HIVEP2: variants seen among roughly 807,000 people sequenced by gnomAD.
HIVEP2 encodes the protein transcription factor HIVEP2.
A neutral mutation model predicts 180.7 loss-of-function variants in HIVEP2; 14 were observed. The observed-to-expected ratio is 0.08, with a 90% confidence interval of 0.05 to 0.12. HIVEP2 has a LOEUF of 0.12. Ranked by LOEUF, HIVEP2 falls within the 10% of genes least tolerant of loss-of-function variation. The probability of loss-of-function intolerance (pLI) is 1.00; values close to 1 mark genes in which losing one functional copy is unlikely to be tolerated. For synonymous variants in HIVEP2, 1,184 were observed against 1,136.4 expected (o/e 1.04, Z -0.84); for missense variants, 2,579 against 3,008.5 (o/e 0.86, Z 3.34).
rs796461015 is a variant in HIVEP2 at position 142,799,133 on chromosome 6, A to G, written c.-527-15518T>C. 3.3e-5 allele frequency among the ~76,000 whole-genome samples: 5 copies of G among 152,304 alleles called. No homozygotes were observed. The South Asian group carries it at 1.0e-3, about 32-fold the overall frequency. The stretch of plus-strand genomic sequence containing the variant: ...TAGATTTTGTCTTAGCACAGGTGAA[A>G]TACTGAAAACATGAAATATTACTTA... On this transcript the variant is annotated intron_variant, in intron 2 of 9. Coordinates refer to ENST00000367603, the MANE Select transcript of HIVEP2 (RefSeq NM_006734.4).
At chr6:142,779,632 A>G (rs994834024) in intron 3 of HIVEP2, 3 of 152,146 alleles carry the variant, frequency 2.0e-5, no homozygotes, top group African/African-American at 7.2e-5. Context: ...CAAACAAACA[A>G]ACAAAACAAA....
intron 2 of HIVEP2, among the ~76,000 whole-genome samples, chr6:142,826,587 A>G (rs1774910114): frequency 6.6e-6 from 1 of 152,242 alleles, no homozygotes; most frequent in Admixed American, 6.5e-5. Flanking sequence ...CTCAAGGAAA[A>G]GGAATCCCAA....
intron 1 of HIVEP2, among the ~76,000 whole-genome samples, chr6:142,935,464 G>A (rs536611765): frequency 4.6e-5 from 7 of 152,128 alleles, no homozygotes; most frequent in African/African-American, 1.2e-4. Context: ...TGGGAGGATC[G>A]TTTGAGCCCG....
At chr6:142,854,989 T>TC (rs1398267087) in intron 1 of HIVEP2, among the ~76,000 whole-genome samples, 1 of 152,196 alleles carries the variant, frequency 6.6e-6, no homozygotes, top group African/African-American at 2.4e-5. Context: ...GTCCTTTTTT[T>TC]CCTCAACTAA....
chr6:142,923,855 T>C (rs905045048), intron 1 of HIVEP2, among the ~76,000 whole-genome samples: 3 of 152,330 alleles, frequency 2.0e-5, no homozygotes, highest in African/African-American at 4.8e-5. Context: ...GGCTCAAATG[T>C]AGCATCAAAG....
Position 142,945,044 on chromosome 6 carries a change from G to C in HIVEP2, c.-641+55C>G, listed in dbSNP as rs1282091289. The C allele has an allele frequency of 6.8e-6, 1 of 146,422 alleles. No individual in the cohort carries two copies. Among genetic ancestry groups the C allele is most frequent in the Non-Finnish European group, 1.5e-5 (1 of 65,906 alleles). The allele number at this position is 146,422 out of a possible 1,614,324, so 9.1% of individuals were successfully genotyped here. On this transcript the variant is annotated intron_variant, in intron 1 of 9. Coordinates refer to ENST00000367603, the MANE Select transcript of HIVEP2 (RefSeq NM_006734.4). The surrounding 1 kb of genome is among the most constrained non-coding windows in gnomAD (Gnocchi z 5.5). ...CGCAGGCCGGCGGCCCGGGCCTCGC[G>C]CCGCCAGCCCGCCCGGCCGCCTGCG...
At chr6:142,819,005 G>A (rs1776950673) in intron 2 of HIVEP2, among the ~76,000 whole-genome samples, 1 of 142,050 alleles carries the variant, frequency 7.0e-6, no homozygotes. Context: ...AGGAGGGAGG[G>A]AGGGAGGGAA....
intron 1 of HIVEP2, among the ~76,000 whole-genome samples, chr6:142,872,005 A>G (rs954104133): frequency 5.9e-5 from 9 of 152,118 alleles, no homozygotes; most frequent in African/African-American, 2.2e-4. Context: ...CAGTCCTCAG[A>G]AAGTTCTGTG....
intron 2 of HIVEP2, among the ~76,000 whole-genome samples, chr6:142,833,254 C>T (rs1775140971): frequency 6.6e-6 from 1 of 152,134 alleles, no homozygotes; most frequent in East Asian, 1.9e-4. Flanking sequence ...ATAGCTATTG[C>T]CTCAAATGAG....
chr6:142,791,935 G>A (rs1228129036), intron 2 of HIVEP2, among the ~76,000 whole-genome samples: 1 of 152,176 alleles, frequency 6.6e-6, no homozygotes, highest in Non-Finnish European at 1.5e-5. Context: ...GAAGACAGGA[G>A]ATTGCTTAGA....
chr6:142,930,433 C>T (rs1562296319), intron 1 of HIVEP2, among the ~76,000 whole-genome samples: 1 of 152,134 alleles, frequency 6.6e-6, no homozygotes, highest in Non-Finnish European at 1.5e-5. Context: ...AAAACTATAA[C>T]CTTCTCTTTA....
At chr6:142,923,237 T>C (rs1777724852) in intron 1 of HIVEP2, among the ~76,000 whole-genome samples, 1 of 151,440 alleles carries the variant, frequency 6.6e-6, no homozygotes, top group African/African-American at 2.4e-5. Context: ...GAGGCTGAGG[T>C]AGGGAATTGC....
At chr6:142,919,601 T>C (rs1777641299) in intron 1 of HIVEP2, among the ~76,000 whole-genome samples, 1 of 152,214 alleles carries the variant, frequency 6.6e-6, no homozygotes, top group Non-Finnish European at 1.5e-5. Context: ...TTTATCATTA[T>C]TCTACTCAAA....
chr6:142,881,422 T>C (rs1358632100), intron 1 of HIVEP2, among the ~76,000 whole-genome samples: 1 of 152,216 alleles, frequency 6.6e-6, no homozygotes, highest in African/African-American at 2.4e-5. Context: ...AAAATGAATG[T>C]AGACAACTAG....
At position 142,905,995 on chromosome 6, in the gene HIVEP2, G is replaced by A. The variant is rs537147354; in HGVS notation, c.-641+39104C>T. ...CTAAAAACACAAAAATTAGCTGGGC[G>A]TGGTGGCACATGCCTGTAATCCCAG... is the stretch of plus-strand genomic sequence containing the variant. On this transcript the variant is annotated intron_variant, in intron 1 of 9. Transcript: ENST00000367603. Among the ~76,000 whole-genome samples the A allele has an allele frequency of 3.9e-5, 6 of 152,274 alleles. No individual in the cohort carries two copies. In the East Asian group the frequency reaches 5.8e-4, roughly 15 times the overall value.
chr6:142,771,014 T>C lies in HIVEP2; in HGVS notation c.3725A>G (p.Tyr1242Cys), dbSNP rs139717578. 37,456 of 1,614,174 alleles carry C rather than the reference T, an allele frequency of 0.023. 553 individuals carry two copies. The highest frequency in any genetic ancestry group is 0.027 in the Non-Finnish European group (31,943 of 1,180,022). The change falls in exon 5 of 10, where the codon TAT (tyrosine) becomes TGT (cysteine). Residue 1242 changes from tyrosine (Y) to cysteine (C), a missense_variant. By Grantham distance (194) the Tyr-to-Cys change is radical. This residue lies in a region of HIVEP2 where 523 missense variants were observed against 577.0 expected (regional missense o/e 0.91). Transcript: ENST00000367603. The surrounding 1 kb of genome is among the most constrained non-coding windows in gnomAD (Gnocchi z 5.4). Reference protein sequence around the residue: ...HPFAQHPQKSYGKPSFQTEIH... With the variant: ...HPFAQHPQKSCGKPSFQTEIH... ...TTCTGTCTGAAAAGAGGGCTTGCCA[T>C]AGCTCTTCTGAGGGTGCTGAGCAAA... is the stretch of plus-strand genomic sequence containing the variant.
intron 1 of HIVEP2, among the ~76,000 whole-genome samples, chr6:142,895,824 G>T (rs951884745): frequency 6.6e-6 from 1 of 152,172 alleles, no homozygotes; most frequent in African/African-American, 2.4e-5. Flanking sequence ...AATGGCTTAG[G>T]AAATGCACCC....
At chr6:142,940,692 A>G (rs961787141) in intron 1 of HIVEP2, among the ~76,000 whole-genome samples, 1 of 152,142 alleles carries the variant, frequency 6.6e-6, no homozygotes, top group Non-Finnish European at 1.5e-5. Flanking sequence ...TGTCTAGCAC[A>G]AGGCCTAATC....
At chr6:142,822,211 T>A (rs1403444992) in intron 2 of HIVEP2, among the ~76,000 whole-genome samples, 1 of 152,236 alleles carries the variant, frequency 6.6e-6, no homozygotes, top group Non-Finnish European at 1.5e-5. Context: ...TTGGCTGCCA[T>A]GACCTCCTTG....
Sources: allele counts gnomAD v4.1 joint callset (sites outside exome capture counted in the v4.1 genomes callset), GRCh38; gene constraint gnomAD v4.1.1; regional missense constraint gnomAD v4.1.1; non-coding constraint Gnocchi (gnomAD v3.1); transcripts MANE v1.5; gene names NCBI Gene and HGNC (gene_info 2026-07-23, HGNC 2026-07-21).